The following TMEM196 variants were observed in gnomAD, a reference collection of about 807,000 sequenced individuals.
TMEM196 encodes the protein transmembrane protein 196.
TMEM196 carries 17 observed loss-of-function variants against 20.0 expected under a neutral mutation model. The observed-to-expected ratio is 0.85, with a 90% CI of 0.58 to 1.27. The LOEUF is 1.27. TMEM196 is among the 50% of genes most tolerant of loss of function. The probability of loss-of-function intolerance (pLI) is 0.00; values close to 1 mark genes in which losing one functional copy is unlikely to be tolerated. For synonymous variants in TMEM196, 113 were observed against 88.9 expected, an observed-to-expected ratio of 1.27 and a Z score of -1.52; for missense variants, 267 against 223.0, an observed-to-expected ratio of 1.20 and a Z score of -1.26.
chr7:19,732,645 G>C (rs1411653095), intron 1 of TMEM196, among the ~76,000 whole-genome samples: 1 of 145,686 alleles, frequency 6.9e-6, no homozygotes, highest in African/African-American at 2.5e-5. Context: ...GTGTGTGTTA[G>C]TTCAGTGTAG....
chr7:19,742,140 T>TTAGAAAA (rs1263987936), intron 1 of TMEM196, among the ~76,000 whole-genome samples: 1 of 152,176 alleles, frequency 6.6e-6, no homozygotes, highest in African/African-American at 2.4e-5. Flanking sequence ...TCAAAATATA[T>TTAGAAAA]TAGAAAATGT....
At chr7:19,751,324 G>T (rs905761405) in intron 1 of TMEM196, among the ~76,000 whole-genome samples, 1 of 152,202 alleles carries the variant, frequency 6.6e-6, no homozygotes, top group African/African-American at 2.4e-5. Flanking sequence ...CTGGGAAAAG[G>T]TTAATTGATA....
At position 19,772,363 on chromosome 7, in the gene TMEM196, C is replaced by CAA. The variant is rs1785918227; in HGVS notation, c.147+185_147+186dup. 3.7e-5 allele frequency among the ~76,000 whole-genome samples: 5 copies of CAA among 134,520 alleles called. No individual in the cohort carries two copies. In the South Asian group the frequency reaches 1.2e-3, roughly 32 times the overall value. 88.3% of individuals were successfully genotyped at this position (134,520 alleles called of 152,430 possible). On this transcript the variant is annotated intron_variant, in intron 1 of 4. Coordinates refer to ENST00000405844, the MANE Select transcript of TMEM196 (RefSeq NM_001363562.2). ...AGAAACAAAACAAAACAAAACAAAA[C>CAA]AAAACAGAAAACGAATAAAGGACAA...
chr7:19,727,102 C>G (rs1429431106), intron 2 of TMEM196, among the ~76,000 whole-genome samples: 2 of 152,130 alleles, frequency 1.3e-5, no homozygotes, highest in African/African-American at 4.8e-5. Context: ...TATTATTTTT[C>G]ATTGACGGTT....
intron 1 of TMEM196, among the ~76,000 whole-genome samples, chr7:19,731,747 T>C (rs1337935624): frequency 6.6e-6 from 1 of 152,236 alleles, no homozygotes; most frequent in African/African-American, 2.4e-5. Flanking sequence ...AAATTTGCTA[T>C]TTTGTATTAT....
chr7:19,752,130 G>C (rs1252150075), intron 1 of TMEM196, among the ~76,000 whole-genome samples: 3 of 152,322 alleles, frequency 2.0e-5, no homozygotes, highest in Non-Finnish European at 4.4e-5. Flanking sequence ...AATAACATAA[G>C]ATGTTGGTCA....
At chr7:19,751,269 G>A (rs1329049186) in intron 1 of TMEM196, among the ~76,000 whole-genome samples, 2 of 152,222 alleles carry the variant, frequency 1.3e-5, no homozygotes, top group African/African-American at 4.8e-5. Flanking sequence ...GCTAGTTTCT[G>A]AAGCACTAGT....
chr7:19,728,899 T>C (rs1784092317), intron 2 of TMEM196, among the ~76,000 whole-genome samples: 1 of 152,100 alleles, frequency 6.6e-6, no homozygotes, highest in South Asian at 2.1e-4. Context: ...GAAAATAAAA[T>C]AAATCTCTGA....
chr7:19,736,352 ACT>A (rs1491456715), intron 1 of TMEM196, among the ~76,000 whole-genome samples: 4 of 103,984 alleles, frequency 3.8e-5, no homozygotes, highest in Middle Eastern at 6.3e-3. Flanking sequence ...AGTGGTTCCT[ACT>A]ATATATATAT....
chr7:19,735,641 T>A (rs1442086078), intron 1 of TMEM196, among the ~76,000 whole-genome samples: 1 of 152,180 alleles, frequency 6.6e-6, no homozygotes, highest in Non-Finnish European at 1.5e-5. Flanking sequence ...CCATGATTAC[T>A]GTGGAAGCAG....
At chr7:19,742,534 G>A (rs181344779) in intron 1 of TMEM196, among the ~76,000 whole-genome samples, 19 of 152,118 alleles carry the variant, frequency 1.2e-4, no homozygotes, top group Non-Finnish European at 2.8e-4. Flanking sequence ...TCCATTTGAC[G>A]ACATATGTTT....
At chr7:19,735,375 G>A (rs948902221) in intron 1 of TMEM196, among the ~76,000 whole-genome samples, 10 of 152,144 alleles carry the variant, frequency 6.6e-5, no homozygotes, top group Non-Finnish European at 1.2e-4. Flanking sequence ...ATGGAGACCA[G>A]AAAAGTACTC....
intron 1 of TMEM196, among the ~76,000 whole-genome samples, chr7:19,748,762 T>A (rs1784854764): frequency 6.6e-6 from 1 of 152,184 alleles, no homozygotes; most frequent in Admixed American, 6.5e-5. Flanking sequence ...TTTGGAGTGG[T>A]CTACTAGAAT....
intron 1 of TMEM196, among the ~76,000 whole-genome samples, chr7:19,747,270 T>C (rs1423607135): frequency 3.8e-4 from 40 of 105,168 alleles, no homozygotes; most frequent in Admixed American, 8.8e-4. Flanking sequence ...AATAAATAAA[T>C]AAAATAAAAT....
chr7:19,764,775 A>G (rs977081838), intron 1 of TMEM196, among the ~76,000 whole-genome samples: 14 of 152,174 alleles, frequency 9.2e-5, no homozygotes, highest in Admixed American at 4.6e-4. Flanking sequence ...AATTCTGGTA[A>G]CATGGAGGTT....
chr7:19,730,666 T>C (rs10268239), intron 1 of TMEM196, among the ~76,000 whole-genome samples: 21,630 of 152,212 alleles, frequency 0.14, 2,225 homozygotes, highest in East Asian at 0.55. Context: ...ATAGATTTAT[T>C]TCCAAATACA....
intron 1 of TMEM196, among the ~76,000 whole-genome samples, chr7:19,757,792 G>A (rs1476641953): frequency 5.3e-5 from 8 of 151,662 alleles, no homozygotes; most frequent in Admixed American, 5.3e-4. Flanking sequence ...TGATATTTTA[G>A]TTTCTTACTT....
At chr7:19,733,231 G>A (rs936280729) in intron 1 of TMEM196, among the ~76,000 whole-genome samples, 1 of 152,174 alleles carries the variant, frequency 6.6e-6, no homozygotes, top group Admixed American at 6.5e-5. Flanking sequence ...TATGAAGACA[G>A]TATTTTACAC....
chr7:19,736,312 G>A (rs1455179834), intron 1 of TMEM196, among the ~76,000 whole-genome samples: 1 of 114,916 alleles, frequency 8.7e-6, no homozygotes, highest in Non-Finnish European at 1.8e-5. Flanking sequence ...TTTGTTATGT[G>A]CTTCGTTTCA....
Sources: gnomAD v4.1 joint callset for allele counts (sites outside exome capture counted in the v4.1 genomes callset) on GRCh38, gnomAD v4.1.1 for gene constraint, MANE v1.5 for transcripts, NCBI Gene and HGNC (gene_info 2026-07-23, HGNC 2026-07-21) for gene names.